RGS13: variants seen among roughly 807,000 people sequenced by gnomAD.
RGS13 encodes the protein regulator of G protein signaling 13, also known as regulator of G-protein signalling 13.
RGS13 carries 14 observed loss-of-function variants against 19.9 expected under a neutral mutation model. The ratio of observed to expected loss-of-function variants is 0.70; its 90% CI spans 0.46 to 1.10. The LOEUF is 1.10. Ranked by LOEUF, RGS13 falls within the 50% of genes least tolerant of loss-of-function variation. The probability of loss-of-function intolerance (pLI) is 0.00; values close to 1 mark genes in which losing one functional copy is unlikely to be tolerated. For synonymous variants in RGS13, 60 were observed against 56.8 expected, an observed-to-expected ratio of 1.06 and a Z score of -0.25; for missense variants, 205 against 187.1, an observed-to-expected ratio of 1.10 and a Z score of -0.56.
At chr1:192,638,692 C>T (rs1023321814) in intron 3 of RGS13, among the ~76,000 whole-genome samples, 2 of 152,062 alleles carry the variant, frequency 1.3e-5, no homozygotes, top group African/African-American at 4.8e-5. Flanking sequence ...ACAGGAATAC[C>T]AGAGAACTTC....
At chr1:192,658,572 G>T (rs1663489926) in intron 6 of RGS13, 1 of 425,500 alleles carries the variant, frequency 2.4e-6, no homozygotes, top group Admixed American at 3.9e-5. Flanking sequence ...AAGTGGTAAA[G>T]TTAAGATTCA....
chr1:192,648,997 A>C (rs1663269162), intron 5 of RGS13, among the ~76,000 whole-genome samples: 1 of 152,098 alleles, frequency 6.6e-6, no homozygotes, highest in South Asian at 2.1e-4. Context: ...AGGTGTAGAC[A>C]CTTGGCTACT....
rs1397931870 is a variant in RGS13, at chr1:192,660,242, A to G, written c.*719A>G. ...CTCATCGTGATCTTGGAAATCAATAAAGTCAAATATCAACTAAAGACTTAC... is the reference window on the plus strand; with the variant it reads ...CTCATCGTGATCTTGGAAATCAATAGAGTCAAATATCAACTAAAGACTTAC... On this transcript the variant is annotated 3_prime_UTR_variant, in exon 7 of 7. Coordinates refer to ENST00000391995, the MANE Select transcript of RGS13 (RefSeq NM_002927.5). 6.6e-6 allele frequency: 1 copy of G among 152,126 alleles called. No individual in the cohort carries two copies. The highest frequency in any genetic ancestry group is 6.5e-5 in the Admixed American group (1 of 15,270). 9.4% of individuals were successfully genotyped at this position (152,126 alleles called of 1,614,324 possible).
At chr1:192,658,805 G>A (rs1000049431) in intron 6 of RGS13, 18 of 165,486 alleles carry the variant, frequency 1.1e-4, no homozygotes, top group South Asian at 1.7e-4. Context: ...GATTTCTATC[G>A]TACAGGGCAA....
At chr1:192,641,254 A>AAAGAAAAG (rs1553257010) in intron 3 of RGS13, among the ~76,000 whole-genome samples, 35 of 67,468 alleles carry the variant, frequency 5.2e-4, no homozygotes, top group South Asian at 1.7e-3. Context: ...GAAAAGAAAG[A>AAAGAAAAG]AAAGAAAGAA....
At chr1:192,638,838 T>C (rs1663057218) in intron 3 of RGS13, among the ~76,000 whole-genome samples, 1 of 152,166 alleles carries the variant, frequency 6.6e-6, no homozygotes, top group Non-Finnish European at 1.5e-5. Flanking sequence ...TATATTCTAT[T>C]TGTATTCCAT....
chr1:192,648,262 C>T (rs1157934473), intron 5 of RGS13, among the ~76,000 whole-genome samples: 2 of 152,138 alleles, frequency 1.3e-5, no homozygotes, highest in Non-Finnish European at 2.9e-5. Context: ...GTAACGCATA[C>T]CATAGCCTTC....
rs28655753 is a variant in RGS13, at chr1:192,641,244, G to A, written c.-5+3041G>A. 6.2e-3 allele frequency among the ~76,000 whole-genome samples: 588 copies of A among 95,126 alleles called. 7 individuals carry two copies. The highest frequency in any genetic ancestry group is 0.018 in the Admixed American group (151 of 8,520). 62.4% of individuals were successfully genotyped at this position (95,126 alleles called of 152,430 possible). On this transcript the variant is annotated intron_variant, in intron 3 of 6. Transcript: ENST00000391995. ...AGAGAGAAAGAAAGAAAGAAAGAAA[G>A]AAAAGAAAGAAAAGAAAGAAAGAAA...
rs1383213031 is a variant in RGS13 at position 192,641,296 on chromosome 1, AAG to A, written c.-4-3033_-4-3032del. Among the ~76,000 whole-genome samples, 20 of 120,800 alleles carry A rather than the reference AAG, an allele frequency of 1.7e-4. No homozygotes were observed. In the South Asian group the frequency reaches 3.4e-3, roughly 21 times the overall value. The allele number at this position is 120,800 out of a possible 152,430, so 79.2% of individuals were successfully genotyped here. On this transcript the variant is annotated intron_variant, in intron 3 of 6. Transcript: ENST00000391995. ...AAAGAAAGAAAGAAAGAAAGAAAGAAAGAAAGAAAGAAAAGAAAGAAAGGAGG... is the reference window on the plus strand; with the variant it reads ...AAAGAAAGAAAGAAAGAAAGAAAGAAAAAGAAAGAAAAGAAAGAAAGGAGG...
rs529173281 is a variant in RGS13, at chr1:192,639,189, A to C, written c.-5+986A>C. Among the ~76,000 whole-genome samples, 12 of 152,184 alleles carry C rather than the reference A, an allele frequency of 7.9e-5. No individual in the cohort carries two copies. In the East Asian group the frequency reaches 2.3e-3, roughly 29 times the overall value. The stretch of plus-strand genomic sequence containing the variant: ...AGCCCCACTTGGCTTCACACCTGGC[A>C]AGGGGAGTGTGGTTGGATCTCAGCC... On this transcript the variant is annotated intron_variant, in intron 3 of 6. Coordinates refer to ENST00000391995, the MANE Select transcript of RGS13 (RefSeq NM_002927.5).
chr1:192,647,130 GT>G (rs1179563561), intron 4 of RGS13: 4 of 152,110 alleles, frequency 2.6e-5, no homozygotes, highest in Non-Finnish European at 5.9e-5. Flanking sequence ...ATGCAAATAG[GT>G]TTTGTGGATT....
rs1182017100 is a variant in RGS13 at position 192,658,201 on chromosome 1, A to C, written c.128A>C (p.Tyr43Ser). 6.3e-7 allele frequency: 1 copy of C among 1,587,774 alleles called. No homozygotes were observed. Among genetic ancestry groups the C allele is most frequent in the African/African-American group, 1.4e-5 (1 of 73,688 alleles). The change falls in exon 6 of 7, where the codon TAT (tyrosine) becomes TCT (serine). Residue 43 changes from tyrosine to serine, a missense_variant and splice_region_variant. Transcript: ENST00000391995. ...QSFENLMATK[Y>S]GPVVYAAYLK... ...AAACTGATTTCTCCTCTACTTTTAG[A>C]TGGTCCAGTAGTCTATGCAGCATAT... is the stretch of plus-strand genomic sequence containing the variant.
chr1:192,649,070 T>G (rs1489698351), intron 5 of RGS13, among the ~76,000 whole-genome samples: 3 of 152,110 alleles, frequency 2.0e-5, no homozygotes, highest in Non-Finnish European at 4.4e-5. Flanking sequence ...TAGGGCTGGA[T>G]CTACCTCTAC....
chr1:192,650,078 G>A (rs6428128), intron 5 of RGS13, among the ~76,000 whole-genome samples: 284 of 152,072 alleles, frequency 1.9e-3, no homozygotes, highest in African/African-American at 6.5e-3. Context: ...AAAACACCAA[G>A]CTATATTATG....
intron 3 of RGS13, among the ~76,000 whole-genome samples, chr1:192,641,276 AAG>A (rs1663113215): frequency 2.6e-5 from 3 of 114,838 alleles, no homozygotes; most frequent in South Asian, 3.0e-4. Flanking sequence ...GAAAGAAAGA[AAG>A]AAAGAAAGAA....
chr1:192,649,733 G>T (rs1571583929), intron 5 of RGS13, among the ~76,000 whole-genome samples: 2 of 151,954 alleles, frequency 1.3e-5, no homozygotes, highest in South Asian at 2.1e-4. Context: ...TCTCCTCCAG[G>T]CTTTTGTTCA....
Position 192,636,289 on chromosome 1 carries a change from C to A in RGS13, c.-144C>A, listed in dbSNP as rs1009282294. Reference sequence around the variant, plus strand: ...ATAACAAAGAGGAGATCAAATTTAGCATGGTGGACTGCTCGACAGGATATA... The same window carrying A: ...ATAACAAAGAGGAGATCAAATTTAGAATGGTGGACTGCTCGACAGGATATA... On this transcript the variant is annotated 5_prime_UTR_variant, in exon 1 of 7. Transcript: ENST00000391995. The A allele has an allele frequency of 6.6e-6, 1 of 152,020 alleles. No homozygotes were observed. The highest frequency in any genetic ancestry group is 2.4e-5 in the African/African-American group (1 of 41,402). 9.4% of individuals were successfully genotyped at this position (152,020 alleles called of 1,614,324 possible). A position where few individuals can be genotyped will look rare whatever the true frequency, so the allele number is the denominator to read the frequency against.
At chr1:192,653,546 A>C (rs1663381677) in intron 5 of RGS13, among the ~76,000 whole-genome samples, 1 of 152,128 alleles carries the variant, frequency 6.6e-6, no homozygotes. Flanking sequence ...ATAACTTATA[A>C]CCAAGAAAAG....
Position 192,637,627 on chromosome 1 carries a change from G to A in RGS13, c.-78G>A, listed in dbSNP as rs920380414. 7 of 151,818 alleles carry A rather than the reference G, an allele frequency of 4.6e-5. No homozygotes were observed. Among genetic ancestry groups the A allele is most frequent in the African/African-American group, 1.4e-4 (6 of 41,384 alleles). 9.4% of individuals were successfully genotyped at this position (151,818 alleles called of 1,614,324 possible). A position where few individuals can be genotyped will look rare whatever the true frequency, so the allele number is the denominator to read the frequency against. ...TTTCCACATATTATACCACCAACATGAGAAAAAAATGATCATTGTTTATTT... is the reference window on the plus strand; with the variant it reads ...TTTCCACATATTATACCACCAACATAAGAAAAAAATGATCATTGTTTATTT... On this transcript the variant is annotated 5_prime_UTR_variant, in exon 2 of 7. The change abolishes an upstream ATG in the 5' untranslated region. Transcript: ENST00000391995.
Sources: gnomAD v4.1 joint callset for allele counts (sites outside exome capture counted in the v4.1 genomes callset) on GRCh38, gnomAD v4.1.1 for gene constraint, MANE v1.5 for transcripts, NCBI Gene and HGNC (gene_info 2026-07-23, HGNC 2026-07-21) for gene names.